REEP1: variants seen among roughly 807,000 people sequenced by gnomAD.
REEP1 encodes the protein receptor expression-enhancing protein 1.
In REEP1, 22 loss-of-function variants were observed where a neutral mutation model predicts 40.3. The ratio of observed to expected loss-of-function variants is 0.55; its 90% CI spans 0.39 to 0.78. The LOEUF (loss-of-function observed/expected upper bound fraction) is 0.78. REEP1 is among the 30% of genes least tolerant of loss of function. The pLI is 0.00. For missense variants in REEP1, 280 were observed against 361.1 expected (o/e 0.78, Z 1.82); for synonymous variants, 116 against 139.2 (o/e 0.83, Z 1.17).
intron 6 of REEP1, among the ~76,000 whole-genome samples, chr2:86,231,378 C>A (rs759809065): frequency 6.6e-6 from 1 of 152,188 alleles, no homozygotes; most frequent in African/African-American, 2.4e-5. Context: ...TTAAGACCTG[C>A]GAAGGGCCAA....
At chr2:86,300,022 A>AG (rs1173159030) in intron 1 of REEP1, among the ~76,000 whole-genome samples, 7 of 152,132 alleles carry the variant, frequency 4.6e-5, no homozygotes, top group Admixed American at 2.6e-4. Context: ...TGACATGGCC[A>AG]GGGGGGACCA....
chr2:86,329,808 C>A (rs1278738047), intron 1 of REEP1, among the ~76,000 whole-genome samples: 1 of 152,178 alleles, frequency 6.6e-6, no homozygotes, highest in Non-Finnish European at 1.5e-5. Flanking sequence ...TCGCTGGGCA[C>A]CTACTGCATA....
At chr2:86,237,213 G>A (rs550364159) in intron 5 of REEP1, among the ~76,000 whole-genome samples, 13 of 122,376 alleles carry the variant, frequency 1.1e-4, no homozygotes, top group African/African-American at 2.5e-4. Flanking sequence ...TTTAAGAACT[G>A]TTTGAGAAAG....
At chr2:86,289,353 T>G (rs1409021083) in intron 1 of REEP1, among the ~76,000 whole-genome samples, 1 of 152,188 alleles carries the variant, frequency 6.6e-6, no homozygotes, top group Non-Finnish European at 1.5e-5. Context: ...TATTTTCAGC[T>G]CTCTATTTGA....
At chr2:86,267,089 A>G (rs1467342006) in intron 2 of REEP1, among the ~76,000 whole-genome samples, 1 of 152,086 alleles carries the variant, frequency 6.6e-6, no homozygotes, top group Admixed American at 6.5e-5. Flanking sequence ...TGAGGCCAGG[A>G]ATTTGAGATC....
chr2:86,232,389 G>C (rs1052878156), intron 6 of REEP1, among the ~76,000 whole-genome samples: 32 of 152,330 alleles, frequency 2.1e-4, no homozygotes, highest in African/African-American at 7.7e-4. Context: ...GGAGGAAAGG[G>C]GACCCTTTGG....
chr2:86,326,442 G>C (rs1387844808), intron 1 of REEP1, among the ~76,000 whole-genome samples: 2 of 152,200 alleles, frequency 1.3e-5, no homozygotes, highest in Non-Finnish European at 2.9e-5. Flanking sequence ...GTCAGGCATG[G>C]TGGCTCACGC....
At chr2:86,282,088 A>T in intron 2 of REEP1, 82 bp downstream of exon 2, 1 of 916,606 alleles carries the variant, frequency 1.1e-6, no homozygotes, top group Non-Finnish European at 1.8e-6. Context: ...TGCCCATAGC[A>T]CGGAGGGCAT....
chr2:86,262,108 A>T (rs528075199), intron 3 of REEP1, among the ~76,000 whole-genome samples: 5 of 152,274 alleles, frequency 3.3e-5, no homozygotes, highest in Non-Finnish European at 7.4e-5. Flanking sequence ...TACTAAGGGA[A>T]CTCAGAAGCT....
chr2:86,279,797 A>T (rs1361845617), intron 2 of REEP1, among the ~76,000 whole-genome samples: 1 of 152,192 alleles, frequency 6.6e-6, no homozygotes, highest in Non-Finnish European at 1.5e-5. Context: ...TCTCCCCTGG[A>T]GCCACTAAAC....
chr2:86,252,017 C>G lies in REEP1; in HGVS notation c.357G>C (p.Val119=). The G allele has an allele frequency of 6.2e-7, 1 of 1,614,100 alleles. No individual in the cohort carries two copies. Among genetic ancestry groups the G allele is most frequent in the African/African-American group, 1.3e-5 (1 of 75,028 alleles). The change falls in exon 5 of 9, where the codon GTG becomes GTC. Residue 119 remains valine (V), a synonymous_variant. Transcript: ENST00000538924. ...QAKDRSYDAL[V]HFGKRGLNVA... ...CGTTCAAGCCCCGCTTCCCGAAGTG[C>G]ACAAGGGCATCGTAACTTCGGTCTT...
At chr2:86,232,848 AG>A (rs1339788644) in intron 5 of REEP1, 46 bp from the exon 6 acceptor site, 2 of 1,573,602 alleles carry the variant, frequency 1.3e-6, no homozygotes, top group Non-Finnish European at 8.6e-7. Context: ...CCTGCTCCAC[AG>A]GTCACACTCG....
chr2:86,319,479 G>A (rs1364674625), intron 1 of REEP1, among the ~76,000 whole-genome samples: 1 of 152,150 alleles, frequency 6.6e-6, no homozygotes, highest in Non-Finnish European at 1.5e-5. Context: ...CCCAGCACTT[G>A]AGGCCAGGAA....
At chr2:86,301,040 G>T (rs778586551) in intron 1 of REEP1, among the ~76,000 whole-genome samples, 5 of 152,222 alleles carry the variant, frequency 3.3e-5, no homozygotes, top group African/African-American at 1.2e-4. Flanking sequence ...GCAGTATCCA[G>T]ATGTGAATGA....
chr2:86,301,816 C>T (rs1427746625), intron 1 of REEP1, among the ~76,000 whole-genome samples: 1 of 152,192 alleles, frequency 6.6e-6, no homozygotes, highest in Non-Finnish European at 1.5e-5. Flanking sequence ...AACAGATGCA[C>T]CTGTCCAAGA....
rs563495971 is a variant in REEP1 at position 86,216,325 on chromosome 2, A to C, written c.*714T>G. 1 of 152,170 alleles carries C rather than the reference A, an allele frequency of 6.6e-6. No homozygotes were observed. 9.4% of individuals were successfully genotyped at this position (152,170 alleles called of 1,614,324 possible). A position where few individuals can be genotyped will look rare whatever the true frequency, so the allele number is the denominator to read the frequency against. ...GGATGTTCCCCTGACCTCTCATCAC[A>C]CTTTACTGTGTTGTGAAATATTGTT... On this transcript the variant is annotated 3_prime_UTR_variant, in exon 9 of 9. Transcript: ENST00000538924.
rs374275661 is a variant in REEP1 at position 86,241,082 on chromosome 2, C to T, written c.418-8280G>A. On this transcript the variant is annotated intron_variant, in intron 5 of 8. Transcript: ENST00000538924. ...ACCAAGCCCGGCCATCTGAGCCAGGCCCTTGCCCGGTGATGGGGAGTCAGG... is the reference window on the plus strand; with the variant it reads ...ACCAAGCCCGGCCATCTGAGCCAGGTCCTTGCCCGGTGATGGGGAGTCAGG... 5.3e-5 allele frequency among the ~76,000 whole-genome samples: 8 copies of T among 152,306 alleles called. No individual in the cohort carries two copies. The East Asian group carries it at 7.7e-4, about 15-fold the overall frequency.
intron 1 of REEP1, among the ~76,000 whole-genome samples, chr2:86,308,561 A>G (rs1452037465): frequency 6.6e-6 from 1 of 152,176 alleles, no homozygotes; most frequent in African/African-American, 2.4e-5. Context: ...AGGAGTAACA[A>G]CTAGGATTTC....
At chr2:86,322,700 T>G (rs1450924268) in intron 1 of REEP1, among the ~76,000 whole-genome samples, 1 of 152,124 alleles carries the variant, frequency 6.6e-6, no homozygotes, top group Non-Finnish European at 1.5e-5. Context: ...GGAATCCACC[T>G]GCCTCAGCCT....
Sources: gnomAD v4.1 joint callset for allele counts (sites outside exome capture counted in the v4.1 genomes callset) on GRCh38, gnomAD v4.1.1 for gene constraint, MANE v1.5 for transcripts, NCBI Gene and HGNC (gene_info 2026-07-23, HGNC 2026-07-21) for gene names.